Variants in TRIM42 observed in about 807,000 individuals in gnomAD.
TRIM42 encodes the protein tripartite motif-containing protein 42.
TRIM42 carries 59 observed loss-of-function variants against 64.9 expected under a neutral mutation model. The observed-to-expected ratio is 0.91, with a 90% CI of 0.74 to 1.13. The LOEUF is 1.13. Among genes scored for constraint, TRIM42 ranks in the 50% most tolerant of loss-of-function variants. The pLI, the probability that TRIM42 is intolerant of heterozygous loss-of-function variation, is 0.00. For missense variants in TRIM42, 878 were observed against 929.5 expected, an observed-to-expected ratio of 0.94 and a Z score of 0.72; for synonymous variants, 354 against 346.3, an observed-to-expected ratio of 1.02 and a Z score of -0.25.
intron 4 of TRIM42, among the ~76,000 whole-genome samples, chr3:140,694,308 T>A (rs1474939438): frequency 6.6e-6 from 1 of 152,234 alleles, no homozygotes; most frequent in Admixed American, 6.5e-5. Context: ...AGGATAGGTG[T>A]TGGTCTTACA....
Position 140,700,986 on chromosome 3 carries a change from GCAGGAAACAACCTCAGACT to G in TRIM42, c.*15_*33del, listed in dbSNP as rs766821727. ...AGAAGCACTTCTGAGCCCCTTCAGA[GCAGGAAACAACCTCAGACT>G]CATCACAAAGTAGACATATACACAC... is the stretch of plus-strand genomic sequence containing the variant. On this transcript the variant is annotated 3_prime_UTR_variant, in exon 5 of 5. Coordinates refer to ENST00000286349, the MANE Select transcript of TRIM42 (RefSeq NM_152616.5). 4.3e-6 allele frequency: 7 copies of G among 1,613,126 alleles called. No individual in the cohort carries two copies. The highest frequency in any genetic ancestry group is 3.3e-4 in the Middle Eastern group (2 of 6,084).
At chr3:140,695,114 G>A (rs1037172173) in intron 4 of TRIM42, among the ~76,000 whole-genome samples, 1 of 152,066 alleles carries the variant, frequency 6.6e-6, no homozygotes, top group African/African-American at 2.4e-5. Context: ...TGGGTGTGGT[G>A]GTGTGCGCTT....
chr3:140,682,447 T>C lies in TRIM42; in HGVS notation c.342-15T>C. On this transcript the variant is annotated splice_polypyrimidine_tract_variant and intron_variant, in intron 1 of 4. Coordinates refer to ENST00000286349, the MANE Select transcript of TRIM42 (RefSeq NM_152616.5). ...AGCCTGCCTCCTGAAACCCTGCCTT[T>C]GCTTCTCCTTTCAGCTCCAAGACTG... 6.2e-7 allele frequency: 1 copy of C among 1,604,414 alleles called. No individual in the cohort carries two copies. The highest frequency in any genetic ancestry group is 2.2e-5 in the East Asian group (1 of 44,684).
intron 4 of TRIM42, among the ~76,000 whole-genome samples, chr3:140,699,457 T>G (rs1450529390): frequency 6.6e-6 from 1 of 152,202 alleles, no homozygotes; most frequent in African/African-American, 2.4e-5. Context: ...GGAAGAGATG[T>G]CAACTATCAT....
At chr3:140,689,721 A>T (rs1988655732) in intron 3 of TRIM42, among the ~76,000 whole-genome samples, 1 of 151,624 alleles carries the variant, frequency 6.6e-6, no homozygotes, top group South Asian at 2.1e-4. Context: ...TATCGACATG[A>T]TGAAGTGTTT....
In TRIM42 at chr3:140,692,255, T is replaced by C. The variant is rs907531993; in HGVS notation, c.2085+1063T>C. On this transcript the variant is annotated intron_variant, in intron 4 of 4. Transcript: ENST00000286349. ...TCCCTTAAATTCAGCTTGTATATGG[T>C]TTTGAATTGTCATGGCCCAACCCCT... is the stretch of plus-strand genomic sequence containing the variant. Among the ~76,000 whole-genome samples the C allele has an allele frequency of 4.6e-5, 7 of 152,054 alleles. No individual in the cohort carries two copies. In the East Asian group the frequency reaches 1.3e-3, roughly 29 times the overall value.
intron 2 of TRIM42, 132 bp downstream of exon 2, chr3:140,683,291 A>G: frequency 1.1e-6 from 1 of 939,396 alleles, no homozygotes; most frequent in Non-Finnish European, 1.6e-6. Flanking sequence ...ACCAGGAAAC[A>G]CTGTGCTACC....
At chr3:140,700,842 G>A (rs547171715) in intron 4 of TRIM42, 46 bp from the exon 5 acceptor site, 2 of 1,571,216 alleles carry the variant, frequency 1.3e-6, no homozygotes, top group Middle Eastern at 1.7e-4. Flanking sequence ...AGGCTACTGG[G>A]AGCTGTTGTC....
intron 1 of TRIM42, 127 bp from the exon 2 acceptor site, chr3:140,682,335 C>A: frequency 3.3e-6 from 3 of 897,030 alleles, no homozygotes; most frequent in Non-Finnish European, 5.0e-6. Flanking sequence ...CACCTTAGCG[C>A]CCAGCTCAGG....
At chr3:140,679,167 C>A (rs1351972881) in intron 1 of TRIM42, among the ~76,000 whole-genome samples, 1 of 152,196 alleles carries the variant, frequency 6.6e-6, no homozygotes, top group South Asian at 2.1e-4. Context: ...ATACCTGTAA[C>A]TTTTAATGGA....
At chr3:140,679,310 G>A (rs1170754391) in intron 1 of TRIM42, among the ~76,000 whole-genome samples, 1 of 152,134 alleles carries the variant, frequency 6.6e-6, no homozygotes, top group African/African-American at 2.4e-5. Flanking sequence ...TTCATTTGGA[G>A]TGCTAACCCT....
At position 140,682,618 on chromosome 3, in the gene TRIM42, C is replaced by T. The variant is rs756270365; in HGVS notation, c.498C>T (p.Cys166=). The T allele has an allele frequency of 4.3e-6, 7 of 1,614,058 alleles. No individual in the cohort carries two copies. In the Admixed American group the frequency reaches 5.0e-5, roughly 12 times the overall value. The change falls in exon 2 of 5, where the codon TGC becomes TGT. Residue 166 remains cysteine, a synonymous_variant. Coordinates refer to ENST00000286349, the MANE Select transcript of TRIM42 (RefSeq NM_152616.5). ...TGCTGCCCTGCAACCACAGCCTGTG[C>T]GAGAAGTGCCTGCGGCAGCTGCAGA... ...SFMLPCNHSL[C]EKCLRQLQKH...
intron 1 of TRIM42, among the ~76,000 whole-genome samples, chr3:140,681,639 T>C (rs2107841195): frequency 8.5e-6 from 1 of 117,804 alleles, no homozygotes; most frequent in Non-Finnish European, 2.0e-5. Flanking sequence ...AATGTCAATG[T>C]CCTCCAGGAA....
rs779882132 is a variant in TRIM42, at chr3:140,700,930, G to A, written c.2128G>A (p.Gly710Ser). ...DGHGKNRAKW[G>S]LLKNIQSALQ... is the part of the protein sequence containing the mutation. ...ACATGGGAAGAACCGAGCTAAGTGGGGCCTGCTGAAGAATATCCAGTCTGC... is the reference window on the plus strand; with the variant it reads ...ACATGGGAAGAACCGAGCTAAGTGGAGCCTGCTGAAGAATATCCAGTCTGC... Residue 710 changes from glycine to serine, a missense_variant, in exon 5 of 5, where the codon GGC (glycine) becomes AGC (serine). Coordinates refer to ENST00000286349, the MANE Select transcript of TRIM42 (RefSeq NM_152616.5). 1 of 1,614,058 alleles carries A rather than the reference G, an allele frequency of 6.2e-7. No homozygotes were observed. The highest frequency in any genetic ancestry group is 8.5e-7 in the Non-Finnish European group (1 of 1,179,958).
intron 2 of TRIM42, among the ~76,000 whole-genome samples, chr3:140,686,468 C>A (rs1238890179): frequency 6.6e-6 from 1 of 152,130 alleles, no homozygotes; most frequent in Non-Finnish European, 1.5e-5. Flanking sequence ...GAAAGAATGG[C>A]TTTTACTCAA....
chr3:140,682,552 C>T lies in TRIM42; in HGVS notation c.432C>T (p.Leu144=), dbSNP rs151337682. The T allele has an allele frequency of 3.1e-6, 5 of 1,614,150 alleles. No individual in the cohort carries two copies. In the African/African-American group the frequency reaches 6.7e-5, roughly 22 times the overall value. Residue 144 remains leucine, a synonymous_variant, in exon 2 of 5, where the codon CTC becomes CTT. Coordinates refer to ENST00000286349, the MANE Select transcript of TRIM42 (RefSeq NM_152616.5). ...IPANSHLVNH[L]NCPMCSRLRL... The stretch of plus-strand genomic sequence containing the variant: ...CCAACAGTCACCTGGTGAACCACCT[C>T]AATTGCCCCATGTGCAGCCGGCTGC...
chr3:140,682,781 G>A lies in TRIM42; in HGVS notation c.661G>A (p.Glu221Lys), dbSNP rs761876957. 4 of 1,613,528 alleles carry A rather than the reference G, an allele frequency of 2.5e-6. No individual in the cohort carries two copies. Among genetic ancestry groups the A allele is most frequent in the Non-Finnish European group, 2.5e-6 (3 of 1,180,040 alleles). Reference protein sequence around the residue: ...HGRLTKRYMQEHGYLKWRFDR... With the variant: ...HGRLTKRYMQKHGYLKWRFDR... ...GCGTCTCACCAAGCGCTACATGCAG[G>A]AGCACGGCTACCTCAAGTGGCGCTT... The change falls in exon 2 of 5, where the codon GAG becomes AAG. Residue 221 changes from glutamate (E) to lysine (K), a missense_variant. Physicochemically the swap from Glu to Lys is moderately conservative, Grantham distance 56 (BLOSUM62 1). Coordinates refer to ENST00000286349, the MANE Select transcript of TRIM42 (RefSeq NM_152616.5).
intron 2 of TRIM42, among the ~76,000 whole-genome samples, chr3:140,685,853 A>G (rs189705756): frequency 1.3e-4 from 20 of 152,342 alleles, no homozygotes; most frequent in Admixed American, 3.9e-4. Context: ...TTTTTCATCT[A>G]TAAGTGGAAA....
rs375237362 is a variant in TRIM42, at chr3:140,682,493, G to A, written c.373G>A (p.Asp125Asn). 8.1e-6 allele frequency: 13 copies of A among 1,614,116 alleles called. No homozygotes were observed. In the African/African-American group the frequency reaches 1.1e-4, roughly 13 times the overall value. Residue 125 changes from aspartate to asparagine, a missense_variant, in exon 2 of 5, where the codon GAT becomes AAT. By Grantham distance (23) the Asp-to-Asn change is conservative. Transcript: ENST00000286349. ...SKTALRTGSS[D>N]TQVDEVKSIP... The stretch of plus-strand genomic sequence containing the variant: ...GACTGCCCTGCGCACTGGGAGCAGC[G>A]ATACCCAGGTGGATGAAGTAAAGTC...
Sources: allele counts gnomAD v4.1 joint callset (sites outside exome capture counted in the v4.1 genomes callset), GRCh38; gene constraint gnomAD v4.1.1; transcripts MANE v1.5; gene names NCBI Gene and HGNC (gene_info 2026-07-23, HGNC 2026-07-21).